The following PARP4 variants were observed in gnomAD, a reference collection of about 807,000 sequenced individuals.
The protein encoded by PARP4 is protein mono-ADP-ribosyltransferase PARP4.
A neutral mutation model predicts 187.7 loss-of-function variants in PARP4; 120 were observed. The observed-to-expected ratio is 0.64, with a 90% confidence interval of 0.55 to 0.74. The LOEUF (loss-of-function observed/expected upper bound fraction) is 0.74, where lower values mean the gene tolerates loss of function less well. Ranked by LOEUF, PARP4 falls within the 30% of genes least tolerant of loss-of-function variation. The pLI is 0.00. For synonymous variants in PARP4, 654 were observed against 740.9 expected, an observed-to-expected ratio of 0.88 and a Z score of 1.90; for missense variants, 1,836 against 2,070.5, an observed-to-expected ratio of 0.89 and a Z score of 2.20.
intron 32 of PARP4, among the ~76,000 whole-genome samples, chr13:24,429,657 C>T (rs1412816632): frequency 6.6e-6 from 1 of 152,148 alleles, no homozygotes; most frequent in African/African-American, 2.4e-5. Context: ...TAAACTCTGG[C>T]CAGTACTAGG....
intron 32 of PARP4, among the ~76,000 whole-genome samples, chr13:24,428,367 C>T (rs1565985236): frequency 6.6e-6 from 1 of 152,228 alleles, no homozygotes; most frequent in East Asian, 1.9e-4. Context: ...TCTGCTCAGT[C>T]CACCTTCTTT....
intron 30 of PARP4, among the ~76,000 whole-genome samples, chr13:24,439,836 G>C (rs1275293278): frequency 6.6e-6 from 1 of 152,166 alleles, no homozygotes; most frequent in African/African-American, 2.4e-5. Flanking sequence ...AGAGGCCACA[G>C]GTCACAGCCC....
intron 33 of PARP4, among the ~76,000 whole-genome samples, chr13:24,425,478 G>C (rs1869981963): frequency 6.6e-6 from 1 of 151,708 alleles, no homozygotes; most frequent in Non-Finnish European, 1.5e-5. Context: ...CCCTTATCTT[G>C]CCTTTAAAAG....
chr13:24,450,778 C>G (rs376587230), intron 24 of PARP4, among the ~76,000 whole-genome samples: 8 of 152,216 alleles, frequency 5.3e-5, no homozygotes, highest in Non-Finnish European at 1.2e-4. Flanking sequence ...GATACCACCC[C>G]CTCCAGGCAT....
rs1477668976 is a variant in PARP4, at chr13:24,431,412, T to G, written c.4811A>C (p.His1604Pro). ...AATGCCTTTTTGTTTAAGAAAGCTG[T>G]GCAAACCATTTGTATTAAGATTTAA... The part of the protein sequence containing the change: ...LILNLNTNGL[H>P]SFLKQKGIQS... Residue 1604 changes from histidine to proline, a missense_variant, in exon 32 of 34, where the codon CAC becomes CCC. This residue lies in a region of PARP4 where 6 missense variants were observed against 22.8 expected (regional missense o/e 0.26). Coordinates refer to ENST00000381989, the MANE Select transcript of PARP4 (RefSeq NM_006437.4). 6.2e-7 allele frequency: 1 copy of G among 1,601,836 alleles called. No homozygotes were observed. Among genetic ancestry groups the G allele is most frequent in the Non-Finnish European group, 8.5e-7 (1 of 1,175,878 alleles).
At chr13:24,497,356 G>A (rs1566019521) in intron 6 of PARP4, among the ~76,000 whole-genome samples, 1 of 152,178 alleles carries the variant, frequency 6.6e-6, no homozygotes, top group Non-Finnish European at 1.5e-5. Context: ...ACGCCAGGGT[G>A]TGAAGCTATT....
intron 17 of PARP4, among the ~76,000 whole-genome samples, chr13:24,465,335 A>G (rs1283757675): frequency 1.3e-5 from 2 of 152,226 alleles, no homozygotes; most frequent in Non-Finnish European, 2.9e-5. Flanking sequence ...AGATACATGC[A>G]TGTGTATGTT....
At chr13:24,439,651 C>T (rs1306050707) in intron 30 of PARP4, among the ~76,000 whole-genome samples, 1 of 152,206 alleles carries the variant, frequency 6.6e-6, no homozygotes, top group Non-Finnish European at 1.5e-5. Flanking sequence ...TGACCATCTC[C>T]ATTTTCAGAG....
At chr13:24,462,532 A>C (rs1266232518) in intron 17 of PARP4, among the ~76,000 whole-genome samples, 2 of 152,172 alleles carry the variant, frequency 1.3e-5, no homozygotes, top group East Asian at 3.8e-4. Flanking sequence ...CAAAATATAC[A>C]CATTTTTAAA....
At chr13:24,449,304 C>A (rs1206412428) in intron 25 of PARP4, among the ~76,000 whole-genome samples, 1 of 146,438 alleles carries the variant, frequency 6.8e-6, no homozygotes. Context: ...AGAAGAATGG[C>A]GTGAACCCGG....
At chr13:24,459,560 CACACACAT>C in intron 18 of PARP4, 1 of 413,478 alleles carries the variant, frequency 2.4e-6, no homozygotes. Context: ...CACACACACA[CACACACAT>C]TTTATACATG....
chr13:24,431,532 A>G, intron 31 of PARP4, 56 bp from the exon 32 acceptor site: 2 of 1,127,914 alleles, frequency 1.8e-6, no homozygotes, highest in Non-Finnish European at 1.3e-6. Context: ...ATCACATAAG[A>G]AGTTACGTAG....
intron 10 of PARP4, among the ~76,000 whole-genome samples, chr13:24,488,422 T>C (rs373752173): frequency 2.0e-5 from 3 of 152,194 alleles, no homozygotes; most frequent in African/African-American, 7.2e-5. Flanking sequence ...GGTGCAATCC[T>C]GGCTCACTGC....
rs182655268 is a variant in PARP4 at position 24,430,716 on chromosome 13, C to G, written c.4846+661G>C. ...TAGCATTTGACCTTCAAACCACTTG[C>G]TGGGTCAAGGATGCTCAGGACTTCC... On this transcript the variant is annotated intron_variant, in intron 32 of 33. Coordinates refer to ENST00000381989, the MANE Select transcript of PARP4 (RefSeq NM_006437.4). Among the ~76,000 whole-genome samples the G allele has an allele frequency of 3.3e-5, 5 of 152,132 alleles. No individual in the cohort carries two copies. In the East Asian group the frequency reaches 9.7e-4, roughly 29 times the overall value.
chr13:24,505,341 T>C (rs1869571325), intron 1 of PARP4, among the ~76,000 whole-genome samples: 1 of 152,098 alleles, frequency 6.6e-6, no homozygotes. Context: ...GCATGGCTTG[T>C]TGCCCTGCAA....
At chr13:24,483,535 T>TCA (rs1474835382) in intron 12 of PARP4, among the ~76,000 whole-genome samples, 1 of 151,714 alleles carries the variant, frequency 6.6e-6, no homozygotes, top group East Asian at 1.9e-4. Context: ...GGGGTCTTGT[T>TCA]GTGTTGCCTA....
intron 1 of PARP4, among the ~76,000 whole-genome samples, chr13:24,506,793 G>GC (rs1869713172): frequency 1.3e-5 from 2 of 152,242 alleles, no homozygotes; most frequent in Admixed American, 1.3e-4. Flanking sequence ...AGGTGGAGCT[G>GC]CCTGCCAGTC....
chr13:24,502,281 GT>G (rs1869343301), intron 2 of PARP4, among the ~76,000 whole-genome samples: 1 of 152,186 alleles, frequency 6.6e-6, no homozygotes, highest in Non-Finnish European at 1.5e-5. Flanking sequence ...TCAGCCTCAA[GT>G]GATTCTCCCA....
intron 10 of PARP4, among the ~76,000 whole-genome samples, chr13:24,489,473 T>C (rs573166234): frequency 2.0e-5 from 3 of 152,224 alleles, no homozygotes; most frequent in African/African-American, 7.2e-5. Context: ...CCAGGCGTGG[T>C]GGCGTGCGTC....
Sources: gnomAD v4.1 joint callset for allele counts (sites outside exome capture counted in the v4.1 genomes callset) on GRCh38, gnomAD v4.1.1 for gene constraint, gnomAD v4.1.1 regional missense constraint, MANE v1.5 for transcripts, NCBI Gene and HGNC (gene_info 2026-07-23, HGNC 2026-07-21) for gene names.